The following CSGALNACT1 variants were observed in gnomAD, a reference collection of about 807,000 sequenced individuals.
The protein encoded by CSGALNACT1 is chondroitin sulfate N-acetylgalactosaminyltransferase 1, also known as beta4GalNAcT-1.
Under a neutral mutation model 51.0 loss-of-function variants are expected in CSGALNACT1, and 52 were observed. The observed-to-expected ratio is 1.02, with a 90% CI of 0.82 to 1.29. The LOEUF (loss-of-function observed/expected upper bound fraction) is 1.29. Ranked by LOEUF, CSGALNACT1 falls within the 50% of genes most tolerant of loss-of-function variation. The probability of loss-of-function intolerance (pLI) is 0.00; values close to 1 mark genes in which losing one functional copy is unlikely to be tolerated. For synonymous variants in CSGALNACT1, 341 were observed against 254.4 expected (o/e 1.34, Z -3.24); for missense variants, 935 against 679.2 (o/e 1.38, Z -4.19).
At chr8:19,609,381 A>G (rs1006298312) in intron 1 of CSGALNACT1, among the ~76,000 whole-genome samples, 9 of 149,568 alleles carry the variant, frequency 6.0e-5, no homozygotes, top group African/African-American at 2.2e-4. Flanking sequence ...AAAAATATAG[A>G]TGGGAAACAC....
intron 8 of CSGALNACT1, among the ~76,000 whole-genome samples, chr8:19,417,259 A>C (rs1399969099): frequency 6.6e-6 from 1 of 152,174 alleles, no homozygotes; most frequent in Non-Finnish European, 1.5e-5. Flanking sequence ...GTGGTATTGC[A>C]ATTCCACTAG....
chr8:19,535,226 C>G (rs1027101231), intron 3 of CSGALNACT1, among the ~76,000 whole-genome samples: 2 of 152,052 alleles, frequency 1.3e-5, no homozygotes, highest in African/African-American at 4.8e-5. Context: ...AATATTATTT[C>G]CTATGTTTAA....
intron 1 of CSGALNACT1, among the ~76,000 whole-genome samples, chr8:19,728,477 G>A (rs775828141): frequency 9.2e-5 from 14 of 152,188 alleles, no homozygotes; most frequent in Non-Finnish European, 1.8e-4. Context: ...ACTCACTGGT[G>A]TGAGCTGAAG....
intron 3 of CSGALNACT1, among the ~76,000 whole-genome samples, chr8:19,566,824 G>C (rs748538629): frequency 6.6e-6 from 1 of 152,130 alleles, no homozygotes; most frequent in Non-Finnish European, 1.5e-5. Flanking sequence ...AACGATTCAC[G>C]GAGTCTTAGA....
upstream of CSGALNACT1, among the ~76,000 whole-genome samples, chr8:19,603,959 G>A (rs191723411): frequency 2.0e-5 from 3 of 152,160 alleles, no homozygotes; most frequent in African/African-American, 7.2e-5. Context: ...AACATACATC[G>A]AGCCCTGGAG....
chr8:19,528,752 C>G (rs887831480), intron 3 of CSGALNACT1, among the ~76,000 whole-genome samples: 1 of 152,136 alleles, frequency 6.6e-6, no homozygotes, highest in African/African-American at 2.4e-5. Context: ...TTTGCAGCAA[C>G]AAATAATAAA....
chr8:19,526,098 C>A (rs974311468), intron 3 of CSGALNACT1, among the ~76,000 whole-genome samples: 7 of 152,328 alleles, frequency 4.6e-5, no homozygotes, highest in African/African-American at 1.7e-4. Flanking sequence ...CCCAGCTCCA[C>A]AAGGCCCAAT....
intron 3 of CSGALNACT1, among the ~76,000 whole-genome samples, chr8:19,547,130 C>T (rs1174460513): frequency 6.6e-6 from 1 of 152,076 alleles, no homozygotes; most frequent in African/African-American, 2.4e-5. Flanking sequence ...GAAAAAAAGG[C>T]CAGGACACGA....
rs562935199 is a variant in CSGALNACT1, at chr8:19,534,122, T to C, written c.-296-27992A>G. Among the ~76,000 whole-genome samples, 12 of 152,292 alleles carry C rather than the reference T, an allele frequency of 7.9e-5. No homozygotes were observed. In the South Asian group the frequency reaches 1.4e-3, roughly 18 times the overall value. Reference sequence around the variant, plus strand: ...AATAGTATAAAGTTTGAAAGAATACTTGATGTTAGCAAGTTCATAGTTCAA... The same window carrying C: ...AATAGTATAAAGTTTGAAAGAATACCTGATGTTAGCAAGTTCATAGTTCAA... On this transcript the variant is annotated intron_variant, in intron 3 of 9. Transcript: ENST00000454498.
At chr8:19,418,689 G>A in exon 8 of CSGALNACT1, 2 of 1,613,558 alleles carry the variant, frequency 1.2e-6, no homozygotes, top group Non-Finnish European at 1.7e-6. Context: ...CTGCATCATG[G>A]TGGCCGTATA....
Position 19,571,142 on chromosome 8 carries a change from G to A in CSGALNACT1, c.-297+20018C>T, listed in dbSNP as rs75026025. ...TGTGTCACCACACCTAGCTATTTTT[G>A]TATTTTTTGTAAAGATGAGGTTTTG... is the stretch of plus-strand genomic sequence containing the variant. On this transcript the variant is annotated intron_variant, in intron 3 of 9. Transcript: ENST00000454498. Among the ~76,000 whole-genome samples the A allele has an allele frequency of 2.0e-3, 306 of 152,048 alleles. 2 individuals are homozygous for A. The highest frequency in any genetic ancestry group is 6.2e-3 in the Admixed American group (94 of 15,270).
intron 1 of CSGALNACT1, among the ~76,000 whole-genome samples, chr8:19,755,384 G>C (rs1337539558): frequency 1.5e-5 from 2 of 134,194 alleles, no homozygotes; most frequent in Non-Finnish European, 3.1e-5. Context: ...TTACAAAGAA[G>C]AAGGAATTTT....
intron 1 of CSGALNACT1, among the ~76,000 whole-genome samples, chr8:19,755,481 A>AAAAAAAAAAAAAAAAAT (rs2065309492): frequency 7.0e-6 from 1 of 142,476 alleles, no homozygotes; most frequent in African/African-American, 2.6e-5. Flanking sequence ...AAAAAAAAAA[A>AAAAAAAAAAAAAAAAAT]GACAACATTT....
intron 1 of CSGALNACT1, among the ~76,000 whole-genome samples, chr8:19,677,197 T>C (rs1261617932): frequency 1.3e-5 from 2 of 151,782 alleles, no homozygotes; most frequent in Non-Finnish European, 2.9e-5. Flanking sequence ...CAGCCTTGAG[T>C]TTTTGGGCTC....
intron 1 of CSGALNACT1, among the ~76,000 whole-genome samples, chr8:19,675,425 G>T (rs1179904074): frequency 6.6e-6 from 1 of 152,150 alleles, no homozygotes; most frequent in Non-Finnish European, 1.5e-5. Context: ...GGATTCTTAT[G>T]AATCAGAAAA....
chr8:19,560,861 G>A (rs2040544623), intron 3 of CSGALNACT1, among the ~76,000 whole-genome samples: 2 of 152,204 alleles, frequency 1.3e-5, no homozygotes, highest in African/African-American at 4.8e-5. Flanking sequence ...AATATTCACA[G>A]CTGCAAAATC....
intron 3 of CSGALNACT1, among the ~76,000 whole-genome samples, chr8:19,589,672 T>G (rs991046848): frequency 6.6e-6 from 1 of 152,156 alleles, no homozygotes; most frequent in Non-Finnish European, 1.5e-5. Flanking sequence ...TAACTGAAAT[T>G]AAAATAATCT....
exon 4 of CSGALNACT1, chr8:19,505,942 G>C (rs768015045): frequency 5.3e-6 from 7 of 1,308,854 alleles, no homozygotes; most frequent in Non-Finnish European, 7.5e-6. Context: ...TGGGGCCCCC[G>C]GAGCTGCTTG....
intron 1 of CSGALNACT1, among the ~76,000 whole-genome samples, chr8:19,728,042 G>A (rs2063497428): frequency 1.3e-5 from 2 of 152,194 alleles, no homozygotes; most frequent in Admixed American, 1.3e-4. Flanking sequence ...GCTGTGTCAT[G>A]TAATGATTAA....
Sources: gnomAD v4.1 joint callset for allele counts (sites outside exome capture counted in the v4.1 genomes callset) on GRCh38, gnomAD v4.1.1 for gene constraint, MANE v1.5 for transcripts, NCBI Gene and HGNC (gene_info 2026-07-23, HGNC 2026-07-21) for gene names.